Variants in DNAJA2 observed in about 807,000 individuals in gnomAD.
DNAJA2 encodes the protein DnaJ heat shock protein family (Hsp40) member A2.
A neutral mutation model predicts 49.3 loss-of-function variants in DNAJA2; 6 were observed. That is an observed-to-expected ratio of 0.12 (90% confidence interval 0.07 to 0.24). The LOEUF is 0.24. DNAJA2 is among the 10% of genes least tolerant of loss of function. The pLI, the probability that DNAJA2 is intolerant of heterozygous loss-of-function variation, is 1.00. For missense variants in DNAJA2, 347 were observed against 516.8 expected, an observed-to-expected ratio of 0.67 and a Z score of 3.19; for synonymous variants, 160 against 172.7, an observed-to-expected ratio of 0.93 and a Z score of 0.58.
In DNAJA2 at chr16:46,959,049, T is replaced by A; in HGVS notation, c.1001A>T (p.Asp334Val). The A allele has an allele frequency of 1.2e-6, 2 of 1,611,970 alleles. No homozygotes were observed. Among genetic ancestry groups the A allele is most frequent in the Admixed American group, 3.4e-5 (2 of 59,588 alleles). ...FEKGDLYIKF[D>V]VQFPENNWIN... ...CCAGTTGTTTTCAGGAAACTGCACA[T>A]CAAACTTTATGTAAAGATCACCTTT... Residue 334 changes from aspartate to valine, a missense_variant, in exon 8 of 9, where the codon GAT becomes GTT. By Grantham distance (152) the Asp-to-Val change is radical. Coordinates refer to ENST00000317089, the MANE Select transcript of DNAJA2 (RefSeq NM_005880.4).
At chr16:46,963,251 T>G (rs1257432990) in intron 6 of DNAJA2, among the ~76,000 whole-genome samples, 1 of 152,188 alleles carries the variant, frequency 6.6e-6, no homozygotes, top group Non-Finnish European at 1.5e-5. Context: ...GCTTCTAACA[T>G]TCAAGAATTT....
chr16:46,966,172 G>A (rs148625996), intron 5 of DNAJA2, among the ~76,000 whole-genome samples: 202 of 152,228 alleles, frequency 1.3e-3, no homozygotes, highest in African/African-American at 4.7e-3. Flanking sequence ...TGGAGGCTGC[G>A]GTGAGCCGAG....
At chr16:46,961,478 C>T (rs1961894374) in intron 6 of DNAJA2, among the ~76,000 whole-genome samples, 1 of 151,568 alleles carries the variant, frequency 6.6e-6, no homozygotes, top group Non-Finnish European at 1.5e-5. Flanking sequence ...CACTTGAGGT[C>T]AGGAGTTTGA....
rs1596659041 is a variant in DNAJA2 at position 46,970,729 on chromosome 16, T to TAAAAAAAAA, written c.362+619_362+620insTTTTTTTTT. Among the ~76,000 whole-genome samples, 4 of 3,154 alleles carry TAAAAAAAAA rather than the reference T, an allele frequency of 1.3e-3. No individual in the cohort carries two copies. In the East Asian group the frequency reaches 0.088, roughly 70 times the overall value. The allele number at this position is 3,154 out of a possible 152,430, so 2.1% of individuals were successfully genotyped here. On this transcript the variant is annotated intron_variant, in intron 3 of 8. Coordinates refer to ENST00000317089, the MANE Select transcript of DNAJA2 (RefSeq NM_005880.4). ...CAACCCGGGCGACAGGGACTCCATT[T>TAAAAAAAAA]CAAAAAAAAAAAAAAAAAAAAAAAA...
chr16:46,972,674 G>A (rs1292685277), intron 1 of DNAJA2: 1 of 152,232 alleles, frequency 6.6e-6, no homozygotes, highest in East Asian at 1.9e-4. Context: ...ATTTTTCTCG[G>A]CTTACAAATC....
At chr16:46,962,099 C>T (rs1309361243) in intron 6 of DNAJA2, among the ~76,000 whole-genome samples, 1 of 152,140 alleles carries the variant, frequency 6.6e-6, no homozygotes, top group East Asian at 1.9e-4. Flanking sequence ...TTGAAAATTC[C>T]ATGCCAATTC....
rs536836516 is a variant in DNAJA2 at position 46,966,080 on chromosome 16, T to C, written c.578-1273A>G. The stretch of plus-strand genomic sequence containing the variant: ...CTCTACAAGAAATACAAAAATTAGC[T>C]GGGCGTGGTGGCAAGCACCTATGGT... On this transcript the variant is annotated intron_variant, in intron 5 of 8. Coordinates refer to ENST00000317089, the MANE Select transcript of DNAJA2 (RefSeq NM_005880.4). 8.6e-5 allele frequency among the ~76,000 whole-genome samples: 13 copies of C among 151,546 alleles called. No individual in the cohort carries two copies. In the South Asian group the frequency reaches 2.5e-3, roughly 29 times the overall value.
intron 5 of DNAJA2, among the ~76,000 whole-genome samples, chr16:46,967,085 ACTTTTAT>A (rs1431407664): frequency 6.6e-6 from 1 of 151,962 alleles, no homozygotes; most frequent in Non-Finnish European, 1.5e-5. Flanking sequence ...TTACTTTCAC[ACTTTTAT>A]CTTTTATTTT....
In DNAJA2 at chr16:46,956,726, A is replaced by C. The variant is rs1316111493; in HGVS notation, c.*303T>G. 2 of 252,824 alleles carry C rather than the reference A, an allele frequency of 7.9e-6. No individual in the cohort carries two copies. Among genetic ancestry groups the C allele is most frequent in the African/African-American group, 4.5e-5 (2 of 44,258 alleles). The allele number at this position is 252,824 out of a possible 1,614,324, so 15.7% of individuals were successfully genotyped here. ...AATATGAAACATAAAAATCTACACA[A>C]AACTGATAAAAATCAAGCACAGATA... On this transcript the variant is annotated 3_prime_UTR_variant, in exon 9 of 9. Coordinates refer to ENST00000317089, the MANE Select transcript of DNAJA2 (RefSeq NM_005880.4).
Position 46,957,219 on chromosome 16 carries a change from T to C in DNAJA2, c.1049A>G (p.Glu350Gly), listed in dbSNP as rs772601096. ...NNWINPDKLS[E>G]LEDLLPSRPE... ...TCTAGATGGCAGAAGATCTTCTAGTTCCTTTATTAAAACAAACAAAAACCA... is the reference window on the plus strand; with the variant it reads ...TCTAGATGGCAGAAGATCTTCTAGTCCCTTTATTAAAACAAACAAAAACCA... The change falls in exon 9 of 9, where the codon GAA becomes GGA. Residue 350 changes from glutamate (E) to glycine (G), a missense_variant and splice_region_variant. Glu to Gly is a moderately conservative substitution (Grantham distance 98). Transcript: ENST00000317089. 1 of 1,582,894 alleles carries C rather than the reference T, an allele frequency of 6.3e-7. No homozygotes were observed.
intron 6 of DNAJA2, among the ~76,000 whole-genome samples, chr16:46,963,073 C>A (rs1009299650): frequency 6.6e-6 from 1 of 152,112 alleles, no homozygotes; most frequent in African/African-American, 2.4e-5. Flanking sequence ...AAAAGAATAA[C>A]CTTTCACTGA....
rs1330218558 is a variant in DNAJA2 at position 46,956,035 on chromosome 16, T to C, written c.*994A>G. ...ATTCAACTTAATGGAGACAGCATCT[T>C]TTACATTTAATGAAAACAGAGGATT... On this transcript the variant is annotated 3_prime_UTR_variant, in exon 9 of 9. Transcript: ENST00000317089. 1 of 152,238 alleles carries C rather than the reference T, an allele frequency of 6.6e-6. No homozygotes were observed. Among genetic ancestry groups the C allele is most frequent in the Non-Finnish European group, 1.5e-5 (1 of 68,042 alleles). The allele number at this position is 152,238 out of a possible 1,614,324, so 9.4% of individuals were successfully genotyped here.
intron 3 of DNAJA2, 58 bp from the exon 4 acceptor site, chr16:46,968,222 T>C (rs1032062973): frequency 1.6e-5 from 20 of 1,220,944 alleles, no homozygotes; most frequent in Non-Finnish European, 2.1e-5. Context: ...AAATACAAGA[T>C]ATAAGTAACA....
At chr16:46,959,685 G>A (rs1025780694) in intron 6 of DNAJA2, 5 of 336,776 alleles carry the variant, frequency 1.5e-5, no homozygotes, top group African/African-American at 1.0e-4. Flanking sequence ...TCAAAACAGT[G>A]CCAGGTATAT....
intron 3 of DNAJA2, among the ~76,000 whole-genome samples, chr16:46,971,073 C>G (rs1334642582): frequency 6.6e-6 from 1 of 151,766 alleles, no homozygotes; most frequent in African/African-American, 2.4e-5. Flanking sequence ...ATGATCTTCA[C>G]AGTTGAAATT....
rs1343450869 is a variant in DNAJA2 at position 46,956,090 on chromosome 16, C to CTATA, written c.*935_*938dup. 2 of 152,118 alleles carry CTATA rather than the reference C, an allele frequency of 1.3e-5. No individual in the cohort carries two copies. The highest frequency in any genetic ancestry group is 2.9e-5 in the Non-Finnish European group (2 of 68,048). The allele number at this position is 152,118 out of a possible 1,614,324, so 9.4% of individuals were successfully genotyped here. A position where few individuals can be genotyped will look rare whatever the true frequency, so the allele number is the denominator to read the frequency against. ...CACGTTCTATGCAGACATGGTTTTA[C>CTATA]TATAGATTTGCTGTTACCTTATTTT... On this transcript the variant is annotated 3_prime_UTR_variant, in exon 9 of 9. Transcript: ENST00000317089.
At chr16:46,959,573 G>A in intron 6 of DNAJA2, 154 bp from the exon 7 acceptor site, 1 of 625,402 alleles carries the variant, frequency 1.6e-6, no homozygotes, top group Non-Finnish European at 2.7e-6. Context: ...ACCGCATTAG[G>A]AAAGCTAGCT....
intron 5 of DNAJA2, among the ~76,000 whole-genome samples, chr16:46,967,188 G>GCAATC (rs1477495353): frequency 1.3e-5 from 2 of 152,128 alleles, no homozygotes; most frequent in Non-Finnish European, 2.9e-5. Flanking sequence ...CTGGGCTCAA[G>GCAATC]CAATCCTCCC....
At position 46,973,560 on chromosome 16, in the gene DNAJA2, C is replaced by T. The variant is rs1308939111; in HGVS notation, c.13G>A (p.Ala5Thr). The T allele has an allele frequency of 3.1e-6, 5 of 1,596,954 alleles. No homozygotes were observed. The highest frequency in any genetic ancestry group is 2.3e-5 in the East Asian group (1 of 43,730). Residue 5 changes from alanine (A) to threonine (T), a missense_variant, in exon 1 of 9, where the codon GCT (alanine) becomes ACT (threonine). Physicochemically the swap from Ala to Thr is moderately conservative, Grantham distance 58 (BLOSUM62 0). Coordinates refer to ENST00000317089, the MANE Select transcript of DNAJA2 (RefSeq NM_005880.4). The part of the protein sequence containing the change: MANV[A>T]DTKLYDILGV... ...AGGATGTCGTACAGCTTCGTGTCAG[C>T]CACGTTAGCCATGGCGGCCGGCCGG... is the stretch of plus-strand genomic sequence containing the variant.
Sources: gnomAD v4.1 joint callset for allele counts (sites outside exome capture counted in the v4.1 genomes callset) on GRCh38, gnomAD v4.1.1 for gene constraint, MANE v1.5 for transcripts, NCBI Gene and HGNC (gene_info 2026-07-23, HGNC 2026-07-21) for gene names.